SANBR: variants seen among roughly 807,000 people sequenced by gnomAD.
SANBR encodes the protein SANT and BTB domain regulator of class switch recombination.
A neutral mutation model predicts 101.8 loss-of-function variants in SANBR; 77 were observed. The observed-to-expected ratio is 0.76, with a 90% CI of 0.63 to 0.91. SANBR has a LOEUF of 0.91. SANBR is among the 40% of genes least tolerant of loss of function. The probability of loss-of-function intolerance (pLI) is 0.00; values close to 1 mark genes in which losing one functional copy is unlikely to be tolerated. For missense variants in SANBR, 875 were observed against 853.0 expected, an observed-to-expected ratio of 1.03 and a Z score of -0.32; for synonymous variants, 279 against 274.7, an observed-to-expected ratio of 1.02 and a Z score of -0.15.
Position 61,077,030 on chromosome 2 carries a change from C to A in SANBR, c.542C>A (p.Ser181Tyr). 1 of 1,613,928 alleles carries A rather than the reference C, an allele frequency of 6.2e-7. No individual in the cohort carries two copies. The highest frequency in any genetic ancestry group is 8.5e-7 in the Non-Finnish European group (1 of 1,179,824). ...ATGAAGTACTTTGCTGAATATTTAT[C>A]TATGGATGCCCAGCGCTGGGAAGAG... ...SEMKYFAEYL[S>Y]MDAQRWEEVD... Residue 181 changes from serine to tyrosine, a missense_variant, in exon 6 of 22, where the codon TCT (serine) becomes TAT (tyrosine). Ser to Tyr is a moderately radical substitution (Grantham distance 144). Coordinates refer to ENST00000402291, the MANE Select transcript of SANBR (RefSeq NM_001129993.3).
intron 11 of SANBR, among the ~76,000 whole-genome samples, chr2:61,094,371 T>C (rs1682925099): frequency 6.6e-6 from 1 of 152,246 alleles, no homozygotes; most frequent in South Asian, 2.1e-4. Context: ...AATAGGATCA[T>C]ATAGCATTTA....
Position 61,081,482 on chromosome 2 carries a change from C to G in SANBR, c.701C>G (p.Ser234Cys), listed in dbSNP as rs1299907292. 6.6e-7 allele frequency: 1 copy of G among 1,517,946 alleles called. No homozygotes were observed. Among genetic ancestry groups the G allele is most frequent in the Non-Finnish European group, 8.8e-7 (1 of 1,136,200 alleles). The allele number at this position is 1,517,946 out of a possible 1,614,324, so 94.0% of individuals were successfully genotyped here. A position where few individuals can be genotyped will look rare whatever the true frequency, so the allele number is the denominator to read the frequency against. Residue 234 changes from serine (S) to cysteine (C), a missense_variant, in exon 7 of 22, where the codon TCT becomes TGT. Coordinates refer to ENST00000402291, the MANE Select transcript of SANBR (RefSeq NM_001129993.3). ...GGAAATGTCATTTCAATTCTTATTT[C>G]TTCGGAGTTTTTAAAAATGGATTCA... is the stretch of plus-strand genomic sequence containing the variant. ...EPGNVISILI[S>C]SEFLKMDSLV...
chr2:61,085,149 C>T (rs1354868266), intron 8 of SANBR, among the ~76,000 whole-genome samples: 1 of 152,100 alleles, frequency 6.6e-6, no homozygotes, highest in Non-Finnish European at 1.5e-5. Flanking sequence ...AAGGTCAGGA[C>T]TTAAAATAGA....
chr2:61,071,923 G>T (rs972780805), intron 4 of SANBR, 131 bp downstream of exon 4: 5 of 601,094 alleles, frequency 8.3e-6, no homozygotes, highest in South Asian at 7.3e-5. Flanking sequence ...ATTCATATTT[G>T]TATCTTCCTG....
intron 13 of SANBR, among the ~76,000 whole-genome samples, chr2:61,104,199 G>T (rs1375680207): frequency 1.3e-5 from 2 of 152,056 alleles, no homozygotes; most frequent in African/African-American, 4.8e-5. Context: ...AATACTGGAG[G>T]TGGCTGGGCG....
chr2:61,121,994 G>T (rs996782388), intron 21 of SANBR, 132 bp from the exon 22 acceptor site: 3 of 1,229,328 alleles, frequency 2.4e-6, no homozygotes, highest in Non-Finnish European at 3.3e-6. Flanking sequence ...AAGAGTTTTA[G>T]AAAATGGATT....
intron 20 of SANBR, among the ~76,000 whole-genome samples, chr2:61,132,624 TTAAACA>T (rs1318864189): frequency 3.3e-5 from 5 of 152,108 alleles, no homozygotes; most frequent in African/African-American, 1.2e-4. Flanking sequence ...CTTCAAAAAG[TTAAACA>T]TATAGAGTTA....
chr2:61,081,162 C>CT (rs1682103758), intron 6 of SANBR, among the ~76,000 whole-genome samples: 1 of 152,026 alleles, frequency 6.6e-6, no homozygotes, highest in South Asian at 2.1e-4. Context: ...TCTCAATTAT[C>CT]TTTTTCCCTG....
At chr2:61,085,391 C>T (rs1442125344) in intron 8 of SANBR, among the ~76,000 whole-genome samples, 1 of 152,042 alleles carries the variant, frequency 6.6e-6, no homozygotes, top group Non-Finnish European at 1.5e-5. Flanking sequence ...GTTGAAAAGA[C>T]CATCCTTTCC....
chr2:61,129,526 G>A (rs1055902573), intron 20 of SANBR, among the ~76,000 whole-genome samples: 1 of 151,258 alleles, frequency 6.6e-6, no homozygotes, highest in Non-Finnish European at 1.5e-5. Flanking sequence ...CATTAGTAAA[G>A]ACGACATGCA....
chr2:61,068,521 G>T (rs190391386), intron 1 of SANBR, among the ~76,000 whole-genome samples: 1 of 152,152 alleles, frequency 6.6e-6, no homozygotes, highest in Non-Finnish European at 1.5e-5. Flanking sequence ...AATCCTCACC[G>T]TAACTCCAAA....
chr2:61,068,192 C>A lies in SANBR; in HGVS notation c.-146-657C>A, dbSNP rs559658692. 9.2e-5 allele frequency among the ~76,000 whole-genome samples: 14 copies of A among 152,240 alleles called. No individual in the cohort carries two copies. The South Asian group carries it at 2.7e-3, about 29-fold the overall frequency. ...GGGCCCTTCCAAGGTTCTTCCAAGA[C>A]TTTTTTCAAGTCTTCTTTCCCCATG... On this transcript the variant is annotated intron_variant, in intron 1 of 21. Transcript: ENST00000402291.
chr2:61,096,202 C>T (rs1683022704), intron 11 of SANBR, among the ~76,000 whole-genome samples: 1 of 152,160 alleles, frequency 6.6e-6, no homozygotes, highest in Non-Finnish European at 1.5e-5. Context: ...GATCTCCTGC[C>T]TTCAAAGCCC....
rs767353319 is a variant in SANBR, at chr2:61,083,278, T to C, written c.854T>C (p.Val285Ala). The C allele has an allele frequency of 1.4e-5, 23 of 1,609,480 alleles. No homozygotes were observed. In the East Asian group the frequency reaches 4.7e-4, roughly 33 times the overall value. ...GCTGATCTGTTCTCACACAATGAAG[T>C]TGATGATTTAAAGGACAAAAAAGAT... is the stretch of plus-strand genomic sequence containing the variant. Reference protein sequence around the residue: ...RIADLFSHNEVDDLKDKKDKF... With the variant: ...RIADLFSHNEADDLKDKKDKF... The change falls in exon 8 of 22, where the codon GTT (valine) becomes GCT (alanine). Residue 285 changes from valine (V) to alanine (A), a missense_variant. Transcript: ENST00000402291.
chr2:61,095,382 C>G (rs558915236), intron 11 of SANBR, among the ~76,000 whole-genome samples: 2 of 152,138 alleles, frequency 1.3e-5, no homozygotes, highest in Middle Eastern at 3.4e-3. Flanking sequence ...TATAGGTTCT[C>G]AAATTTTTAA....
intron 16 of SANBR, among the ~76,000 whole-genome samples, chr2:61,115,478 A>G (rs1264173898): frequency 1.3e-5 from 2 of 152,038 alleles, no homozygotes; most frequent in African/African-American, 2.4e-5. Context: ...GATTACAGGC[A>G]TGCACCACCA....
At chr2:61,098,776 T>C (rs1380352009) in intron 12 of SANBR, among the ~76,000 whole-genome samples, 1 of 152,206 alleles carries the variant, frequency 6.6e-6, no homozygotes, top group East Asian at 1.9e-4. Flanking sequence ...AAAATATTTA[T>C]AAAGCACCAA....
intron 1 of SANBR, chr2:61,066,415 G>A (rs1016880001): frequency 6.6e-6 from 1 of 152,600 alleles, no homozygotes; most frequent in African/African-American, 2.4e-5. Flanking sequence ...GAAGGTCTGG[G>A]GGTGCCCCGA....
intron 11 of SANBR, 25 bp downstream of exon 11, chr2:61,092,612 C>T (rs777151940): frequency 9.7e-6 from 15 of 1,538,986 alleles, no homozygotes; most frequent in South Asian, 3.8e-5. Flanking sequence ...TTTAAATATC[C>T]TGCTCTGCAA....
Sources: gnomAD v4.1 joint callset for allele counts (sites outside exome capture counted in the v4.1 genomes callset) on GRCh38, gnomAD v4.1.1 for gene constraint, MANE v1.5 for transcripts, NCBI Gene and HGNC (gene_info 2026-07-23, HGNC 2026-07-21) for gene names.